Variants in CCDC170 observed in about 807,000 individuals in gnomAD.
CCDC170 encodes coiled-coil domain-containing protein 170.
Under a neutral mutation model 72.6 loss-of-function variants are expected in CCDC170, and 69 were observed. That is an observed-to-expected ratio of 0.95 (90% CI 0.78 to 1.16). The LOEUF (loss-of-function observed/expected upper bound fraction) is 1.16. Ranked by LOEUF, CCDC170 falls within the 50% of genes most tolerant of loss-of-function variation. The pLI is 0.00. For missense variants in CCDC170, 852 were observed against 832.5 expected (o/e 1.02, Z -0.29); for synonymous variants, 300 against 303.9 (o/e 0.99, Z 0.13).
chr6:151,564,779 A>G (rs1776103134), intron 5 of CCDC170, among the ~76,000 whole-genome samples: 1 of 152,054 alleles, frequency 6.6e-6, no homozygotes, highest in Admixed American at 6.5e-5. Flanking sequence ...TGGTGTTTTC[A>G]TGCACTGCGG....
chr6:151,505,527 C>CA (rs113419921), intron 1 of CCDC170, among the ~76,000 whole-genome samples: 11 of 151,956 alleles, frequency 7.2e-5, no homozygotes, highest in African/African-American at 1.9e-4. Context: ...ACTAAAAATA[C>CA]AAAAAAATTA....
At chr6:151,559,893 A>G (rs80305379) in intron 5 of CCDC170, among the ~76,000 whole-genome samples, 11,778 of 150,716 alleles carry the variant, frequency 0.078, 555 homozygotes, top group Non-Finnish European at 0.11. Context: ...CTTTCAAAAA[A>G]GAAACTTTTT....
chr6:151,609,962 C>G (rs536498402), intron 9 of CCDC170, among the ~76,000 whole-genome samples: 1 of 152,212 alleles, frequency 6.6e-6, no homozygotes, highest in Admixed American at 6.5e-5. Flanking sequence ...GTTCCATCAC[C>G]TTTGGTAGAT....
chr6:151,495,565 C>T (rs2115013316), intron 1 of CCDC170, among the ~76,000 whole-genome samples: 1 of 152,122 alleles, frequency 6.6e-6, no homozygotes, highest in South Asian at 2.1e-4. Flanking sequence ...GGCACGATCT[C>T]GGCTCGCCGC....
intron 9 of CCDC170, among the ~76,000 whole-genome samples, chr6:151,608,944 C>A (rs1159636927): frequency 6.6e-6 from 1 of 152,184 alleles, no homozygotes; most frequent in Non-Finnish European, 1.5e-5. Context: ...TATAGGTGTC[C>A]ATGATATGAC....
chr6:151,536,270 C>A, intron 1 of CCDC170, 48 bp from the exon 2 acceptor site: 1 of 1,597,718 alleles, frequency 6.3e-7, no homozygotes, highest in South Asian at 1.1e-5. Flanking sequence ...CGGAAAAGAT[C>A]GTTTAACACT....
chr6:151,498,631 AG>A (rs1320370731), intron 1 of CCDC170, among the ~76,000 whole-genome samples: 1 of 152,184 alleles, frequency 6.6e-6, no homozygotes. Flanking sequence ...TGACTATTCT[AG>A]GCATGCTGTA....
At chr6:151,523,778 A>C (rs1481205296) in intron 1 of CCDC170, among the ~76,000 whole-genome samples, 2 of 152,194 alleles carry the variant, frequency 1.3e-5, no homozygotes, top group African/African-American at 4.8e-5. Flanking sequence ...GTTTATTTTA[A>C]CAATGAATTT....
intron 1 of CCDC170, among the ~76,000 whole-genome samples, chr6:151,498,131 C>A (rs1463391636): frequency 1.3e-5 from 2 of 152,144 alleles, no homozygotes; most frequent in African/African-American, 4.8e-5. Flanking sequence ...AGTGTTTTCA[C>A]ATACCTGGAA....
chr6:151,598,131 A>G (rs1776651964), intron 9 of CCDC170, among the ~76,000 whole-genome samples: 1 of 152,132 alleles, frequency 6.6e-6, no homozygotes, highest in Admixed American at 6.5e-5. Flanking sequence ...AATACAAGGA[A>G]GGGGGGAAGC....
rs1026082089 is a variant in CCDC170, at chr6:151,578,152, C to T, written c.1092+4661C>T. On this transcript the variant is annotated intron_variant, in intron 6 of 10. Coordinates refer to ENST00000239374, the MANE Select transcript of CCDC170 (RefSeq NM_025059.4). ...AATTATGTTGTGCGGTTGCTCCGGG[C>T]TACAGAGGCATCTGAGAGAGCGAAC... Among the ~76,000 whole-genome samples the T allele has an allele frequency of 2.0e-5, 3 of 152,340 alleles. No homozygotes were observed. In the East Asian group the frequency reaches 5.8e-4, roughly 29 times the overall value.
intron 5 of CCDC170, among the ~76,000 whole-genome samples, chr6:151,565,062 A>G (rs1245015916): frequency 6.6e-6 from 1 of 152,004 alleles, no homozygotes; most frequent in African/African-American, 2.4e-5. Flanking sequence ...GGACACTTGT[A>G]TATGTGCGAT....
intron 9 of CCDC170, among the ~76,000 whole-genome samples, chr6:151,601,602 ATCTC>A (rs1432780137): frequency 6.6e-6 from 1 of 152,112 alleles, no homozygotes; most frequent in East Asian, 1.9e-4. Context: ...TCTATCAATC[ATCTC>A]TCTATCTATA....
chr6:151,556,898 TC>T (rs1254861196), intron 5 of CCDC170, among the ~76,000 whole-genome samples: 1 of 152,170 alleles, frequency 6.6e-6, no homozygotes, highest in Non-Finnish European at 1.5e-5. Context: ...CACTTACCCT[TC>T]CCAGCCTCTG....
chr6:151,514,353 G>GAGGA (rs1554219946), intron 1 of CCDC170, among the ~76,000 whole-genome samples: 6 of 101,536 alleles, frequency 5.9e-5, no homozygotes, highest in East Asian at 7.5e-4. Flanking sequence ...GGGAGGGAGG[G>GAGGA]AGGGAGGGAG....
intron 1 of CCDC170, among the ~76,000 whole-genome samples, chr6:151,495,399 T>C (rs934139847): frequency 3.3e-5 from 5 of 152,148 alleles, no homozygotes; most frequent in African/African-American, 1.2e-4. Context: ...TATTAATATA[T>C]ATTTTTTTTG....
rs113064888 is a variant in CCDC170, at chr6:151,618,324, A to G, written c.*177A>G. ...AAGTGTCAGCCTTAGATAAACGTTC[A>G]GCATTAAAAACGCCTATTATTTCAT... is the stretch of plus-strand genomic sequence containing the variant. On this transcript the variant is annotated 3_prime_UTR_variant, in exon 11 of 11. Transcript: ENST00000239374. The G allele has an allele frequency of 3.7e-4, 215 of 580,082 alleles. No individual in the cohort carries two copies. Among genetic ancestry groups the G allele is most frequent in the African/African-American group, 3.3e-3 (179 of 53,754 alleles). 35.9% of individuals were successfully genotyped at this position (580,082 alleles called of 1,614,324 possible). A position where few individuals can be genotyped will look rare whatever the true frequency, so the allele number is the denominator to read the frequency against.
intron 1 of CCDC170, among the ~76,000 whole-genome samples, chr6:151,507,068 A>G (rs1782076473): frequency 6.6e-6 from 1 of 152,150 alleles, no homozygotes; most frequent in Non-Finnish European, 1.5e-5. Context: ...ACACAGGGGA[A>G]CTTCACTGTG....
intron 9 of CCDC170, among the ~76,000 whole-genome samples, chr6:151,599,491 C>A (rs1776672714): frequency 6.6e-6 from 1 of 152,094 alleles, no homozygotes; most frequent in African/African-American, 2.4e-5. Context: ...GCTGCTGATG[C>A]CTTGACAATG....
Sources: gnomAD v4.1 joint callset for allele counts (sites outside exome capture counted in the v4.1 genomes callset) on GRCh38, gnomAD v4.1.1 for gene constraint, MANE v1.5 for transcripts, NCBI Gene and HGNC (gene_info 2026-07-23, HGNC 2026-07-21) for gene names.